TRAF7: variants seen among roughly 807,000 people sequenced by gnomAD.
TRAF7 encodes the protein TNF receptor associated factor 7, also known as E3 ubiquitin-protein ligase TRAF7.
TRAF7 carries 45 observed loss-of-function variants against 89.3 expected under a neutral mutation model. The ratio of observed to expected loss-of-function variants is 0.50; its 90% CI spans 0.40 to 0.65. The LOEUF is 0.65. TRAF7 is among the 30% of genes least tolerant of loss of function. TRAF7 has a pLI of 0.00. For synonymous variants in TRAF7, 406 were observed against 369.2 expected (o/e 1.10, Z -1.14); for missense variants, 677 against 918.1 (o/e 0.74, Z 3.39).
At chr16:2,171,212 C>T (rs1027430797) in intron 5 of TRAF7, 52 bp from the exon 6 acceptor site, 39 of 1,465,238 alleles carry the variant, frequency 2.7e-5, no homozygotes, top group East Asian at 9.9e-5. Flanking sequence ...TGGGTGGTGG[C>T]GGGGCTGAGG....
At chr16:2,169,142 C>T (rs1184246331) in intron 4 of TRAF7, among the ~76,000 whole-genome samples, 3 of 152,112 alleles carry the variant, frequency 2.0e-5, no homozygotes, top group African/African-American at 4.8e-5. Context: ...TGCACCACCA[C>T]TCCTGGCTAA....
intron 20 of TRAF7, 82 bp from the exon 21 acceptor site, chr16:2,176,478 A>AG: frequency 1.2e-6 from 2 of 1,613,014 alleles, no homozygotes; most frequent in Non-Finnish European, 8.5e-7. Context: ...AAAGTGGTGG[A>AG]GGGCAGGTAC....
intron 1 of TRAF7, among the ~76,000 whole-genome samples, chr16:2,160,467 T>C (rs1216480826): frequency 3.2e-4 from 39 of 120,352 alleles, no homozygotes; most frequent in African/African-American, 9.5e-4. Context: ...GCGGTGTGGA[T>C]GGGCGGGCGG....
chr16:2,175,712 T>C (rs2141296187), intron 17 of TRAF7, 90 bp downstream of exon 17: 2 of 1,588,622 alleles, frequency 1.3e-6, no homozygotes, highest in South Asian at 1.1e-5. Context: ...GCCCTGTTCC[T>C]ACCTTCGCAC....
At chr16:2,165,330 G>A (rs1449701526) in intron 2 of TRAF7, among the ~76,000 whole-genome samples, 13 of 110,288 alleles carry the variant, frequency 1.2e-4, no homozygotes, top group African/African-American at 3.4e-4. Context: ...GCTGTGTGGC[G>A]CGGCCTGGTC....
intron 3 of TRAF7, among the ~76,000 whole-genome samples, chr16:2,167,422 C>G (rs1046896096): frequency 6.6e-6 from 1 of 152,228 alleles, no homozygotes; most frequent in Admixed American, 6.5e-5. Flanking sequence ...GTGGACTGAC[C>G]GGCCGGTAGC....
chr16:2,173,612 G>A (rs536602545), intron 11 of TRAF7, 58 bp downstream of exon 11: 71 of 1,598,812 alleles, frequency 4.4e-5, no homozygotes, highest in Middle Eastern at 1.9e-4. Flanking sequence ...CGGCGGCCCC[G>A]GCAGGGAGGC....
intron 1 of TRAF7, among the ~76,000 whole-genome samples, chr16:2,160,505 CG>C: frequency 1.3e-5 from 1 of 78,948 alleles, no homozygotes; most frequent in South Asian, 5.0e-4. Flanking sequence ...TGTGGACCGG[CG>C]GGCGGTGTGG....
At chr16:2,171,204 G>A in intron 5 of TRAF7, 60 bp from the exon 6 acceptor site, 18 of 1,414,416 alleles carry the variant, frequency 1.3e-5, no homozygotes, top group Non-Finnish European at 1.7e-5. Flanking sequence ...TGGGTGCCTG[G>A]GTGGTGGCGG....
rs1193711997 is a variant in TRAF7, at chr16:2,175,096, T to C, written c.1347-15T>C. The C allele has an allele frequency of 6.2e-7, 1 of 1,613,816 alleles. No individual in the cohort carries two copies. The highest frequency in any genetic ancestry group is 1.1e-5 in the South Asian group (1 of 91,082). On this transcript the variant is annotated splice_polypyrimidine_tract_variant and intron_variant, in intron 14 of 20. Transcript: ENST00000326181. The stretch of plus-strand genomic sequence containing the variant: ...CAGCTTCTCCCACCTTGACACATTG[T>C]CTCTGCTTCCCCAGGTGCAAACTCT...
intron 15 of TRAF7, 33 bp from the exon 16 acceptor site, chr16:2,175,268 G>A (rs770066011): frequency 1.2e-6 from 2 of 1,611,560 alleles, no homozygotes; most frequent in South Asian, 2.2e-5. Context: ...GCAGGGCTTG[G>A]TGCCCTGAGG....
At position 2,162,234 on chromosome 16, in the gene TRAF7, G is replaced by GTCTCTTTTTCTCTCTAATGTTTACCTTC. The variant is rs1555465468; in HGVS notation, c.-38-1649_-38-1648insTCTCTTTTTCTCTCTAATGTTTACCTTC. Among the ~76,000 whole-genome samples the GTCTCTTTTTCTCTCTAATGTTTACCTTC allele has an allele frequency of 1.1e-3, 173 of 151,634 alleles. 3 individuals are homozygous for GTCTCTTTTTCTCTCTAATGTTTACCTTC. Among genetic ancestry groups the GTCTCTTTTTCTCTCTAATGTTTACCTTC allele is most frequent in the Non-Finnish European group, 4.4e-4 (30 of 67,846 alleles). On this transcript the variant is annotated intron_variant, in intron 1 of 20. Transcript: ENST00000326181. The surrounding 1 kb of genome is among the most constrained non-coding windows in gnomAD (Gnocchi z 5.0). ...CATTGGAAGGGACAGGTGGGCCTGG[G>GTCTCTTTTTCTCTCTAATGTTTACCTTC]CAGCCTAGAGAATGGGAGAGGAGAC... is the stretch of plus-strand genomic sequence containing the variant.
intron 1 of TRAF7, among the ~76,000 whole-genome samples, chr16:2,160,713 C>T (rs538882158): frequency 6.6e-6 from 1 of 152,094 alleles, no homozygotes; most frequent in African/African-American, 2.4e-5. Context: ...AACACACCCC[C>T]ACTTCCCCAG....
At chr16:2,155,942 G>A (rs2093031475) in intron 1 of TRAF7, 84 bp downstream of exon 1, 1 of 147,522 alleles carries the variant, frequency 6.8e-6, no homozygotes, top group Non-Finnish European at 1.5e-5. Flanking sequence ...TGGAGATCGA[G>A]GCGAGGCGAG....
Position 2,170,726 on chromosome 16 carries a change from A to G in TRAF7, c.344A>G (p.Glu115Gly). ...TTCTCACTGCCCGAGGAGGAGGAGG[A>G]GCCGGTAGGTGTGGGGGACTCGGCG... ...STFSLPEEEE[E>G]PEPLVFAEQP... is the part of the protein sequence containing the mutation. Residue 115 changes from glutamate to glycine, a missense_variant, in exon 5 of 21, where the codon GAG becomes GGG. Glu to Gly is a moderately conservative substitution (Grantham distance 98, BLOSUM62 -2). Coordinates refer to ENST00000326181, the MANE Select transcript of TRAF7 (RefSeq NM_032271.3). 1.3e-6 allele frequency: 2 copies of G among 1,597,840 alleles called. No homozygotes were observed. Among genetic ancestry groups the G allele is most frequent in the Non-Finnish European group, 1.7e-6 (2 of 1,172,754 alleles).
At position 2,170,777 on chromosome 16, in the gene TRAF7, G is replaced by A. The variant is rs369666393; in HGVS notation, c.348+47G>A. The A allele has an allele frequency of 3.9e-5, 59 of 1,506,846 alleles. No homozygotes were observed. The African/African-American group carries it at 4.1e-4, about 11-fold the overall frequency. The allele number at this position is 1,506,846 out of a possible 1,614,324, so 93.3% of individuals were successfully genotyped here. On this transcript the variant is annotated intron_variant, in intron 5 of 20. Coordinates refer to ENST00000326181, the MANE Select transcript of TRAF7 (RefSeq NM_032271.3). ...CAGAGCGGCTTCCAGGGCTGTCACC[G>A]CAGCCGTGGCACGGAGGCACCTTCC...
At chr16:2,174,141 C>G in intron 13 of TRAF7, 93 bp downstream of exon 13, 1 of 1,599,072 alleles carries the variant, frequency 6.3e-7, no homozygotes, top group Admixed American at 1.7e-5. Flanking sequence ...GTGGGACCTT[C>G]TGGGCAGGGC....
intron 1 of TRAF7, among the ~76,000 whole-genome samples, chr16:2,160,830 G>A (rs1404763216): frequency 3.3e-5 from 5 of 152,040 alleles, no homozygotes; most frequent in African/African-American, 1.2e-4. Context: ...TGTGGGGTGG[G>A]GAAAGAGGCA....
At chr16:2,171,991 G>T (rs761179201) in intron 7 of TRAF7, among the ~76,000 whole-genome samples, 200 bp from the exon 8 acceptor site, 1 of 152,068 alleles carries the variant, frequency 6.6e-6, no homozygotes, top group Non-Finnish European at 1.5e-5. Context: ...CACTTTTCCG[G>T]GCACAGCTGA....
Sources: gnomAD v4.1 joint callset for allele counts (sites outside exome capture counted in the v4.1 genomes callset) on GRCh38, gnomAD v4.1.1 for gene constraint, Gnocchi (gnomAD v3.1) non-coding constraint, MANE v1.5 for transcripts, NCBI Gene and HGNC (gene_info 2026-07-23, HGNC 2026-07-21) for gene names.